The following RFTN1 variants were observed in gnomAD, a reference collection of about 807,000 sequenced individuals.
RFTN1 encodes the protein raftlin, lipid raft linker 1.
RFTN1 carries 26 observed loss-of-function variants against 46.5 expected under a neutral mutation model. The ratio of observed to expected loss-of-function variants is 0.56; its 90% CI spans 0.41 to 0.78. RFTN1 has a LOEUF of 0.78. Among genes scored for constraint, RFTN1 ranks in the 30% least tolerant of loss-of-function variants. The probability of loss-of-function intolerance (pLI) is 0.00; values close to 1 mark genes in which losing one functional copy is unlikely to be tolerated. For missense variants in RFTN1, 693 were observed against 718.7 expected, an observed-to-expected ratio of 0.96 and a Z score of 0.41; for synonymous variants, 261 against 284.2, an observed-to-expected ratio of 0.92 and a Z score of 0.82.
Position 16,440,129 on chromosome 3 carries a change from T to G in RFTN1, c.146-6092A>C, listed in dbSNP as rs1279965269. 2.0e-5 allele frequency among the ~76,000 whole-genome samples: 3 copies of G among 152,220 alleles called. No homozygotes were observed. Among genetic ancestry groups the G allele is most frequent in the Admixed American group, 6.5e-5 (1 of 15,290 alleles). On this transcript the variant is annotated intron_variant, in intron 2 of 9. Coordinates refer to ENST00000334133, the MANE Select transcript of RFTN1 (RefSeq NM_015150.2). This position sits in a 1 kb window ranked among gnomAD's most constrained non-coding sequence, Gnocchi z 4.6. ...CTTCCAAAAAGAGAAAATGCCAGCC[T>G]ACTCAGAGTGGGCCGCTGCCGCGAG...
chr3:16,437,651 C>CTAAA lies in RFTN1; in HGVS notation c.146-3618_146-3615dup, dbSNP rs561853711. Reference sequence around the variant, plus strand: ...ACTCCAGCCTGGGGTGACAGAGTTACTAAATAAATAAATAAATAAATAAAT... The same window carrying CTAAA: ...ACTCCAGCCTGGGGTGACAGAGTTACTAAATAAATAAATAAATAAATAAATAAAT... On this transcript the variant is annotated intron_variant, in intron 2 of 9. Transcript: ENST00000334133. Among the ~76,000 whole-genome samples, 1,222 of 151,808 alleles carry CTAAA rather than the reference C, an allele frequency of 8.0e-3. 4 individuals are homozygous for CTAAA. The highest frequency in any genetic ancestry group is 9.1e-3 in the Non-Finnish European group (618 of 67,912).
rs567775122 is a variant in RFTN1, at chr3:16,374,868, C to G, written c.826+2850G>C. On this transcript the variant is annotated intron_variant, in intron 5 of 9. Coordinates refer to ENST00000334133, the MANE Select transcript of RFTN1 (RefSeq NM_015150.2). This position sits in a 1 kb window ranked among gnomAD's most constrained non-coding sequence, Gnocchi z 5.4. ...ACCCACGGCGGGCCTCCCCAAGAAC[C>G]TGCAGGGGCAAGGAGGCGTGACGGC... Among the ~76,000 whole-genome samples, 2 of 152,288 alleles carry G rather than the reference C, an allele frequency of 1.3e-5. No individual in the cohort carries two copies. Among genetic ancestry groups the G allele is most frequent in the African/African-American group, 2.4e-5 (1 of 41,574 alleles).
At position 16,429,312 on chromosome 3, in the gene RFTN1, TTTAG is replaced by T. The variant is rs1449415003; in HGVS notation, c.332+4535_332+4538del. ...TACTTTTGGAATGACTCATTAATAA[TTTAG>T]TTAGACTGTCAACGATGCTCTCCAA... On this transcript the variant is annotated intron_variant, in intron 3 of 9. Transcript: ENST00000334133. The surrounding 1 kb of genome is among the most constrained non-coding windows in gnomAD (Gnocchi z 6.4). Among the ~76,000 whole-genome samples, 4 of 152,220 alleles carry T rather than the reference TTTAG, an allele frequency of 2.6e-5. No homozygotes were observed. Among genetic ancestry groups the T allele is most frequent in the East Asian group, 1.9e-4 (1 of 5,202 alleles).
chr3:16,449,306 G>C lies in RFTN1; in HGVS notation c.146-15269C>G, dbSNP rs1443723592. ...CAAATCTGGCTCAGGCAGATGGGTGGTGTATTGGCTCCAGTTCCTAATCTG... is the reference window on the plus strand; with the variant it reads ...CAAATCTGGCTCAGGCAGATGGGTGCTGTATTGGCTCCAGTTCCTAATCTG... On this transcript the variant is annotated intron_variant, in intron 2 of 9. Transcript: ENST00000334133. This position sits in a 1 kb window ranked among gnomAD's most constrained non-coding sequence, Gnocchi z 5.1. 3.3e-5 allele frequency among the ~76,000 whole-genome samples: 5 copies of C among 152,164 alleles called. No homozygotes were observed.
Position 16,329,909 on chromosome 3 carries a change from C to T in RFTN1, c.1147-3033G>A, listed in dbSNP as rs2125240078. Among the ~76,000 whole-genome samples the T allele has an allele frequency of 6.6e-6, 1 of 152,262 alleles. No homozygotes were observed. Among genetic ancestry groups the T allele is most frequent in the South Asian group, 2.1e-4 (1 of 4,818 alleles). ...TCTCGGGCCAGGTTTTCTCTGCGGG[C>T]ACCCAGAGCTGCGAGACAATGAACG... On this transcript the variant is annotated intron_variant, in intron 7 of 9. Coordinates refer to ENST00000334133, the MANE Select transcript of RFTN1 (RefSeq NM_015150.2). The surrounding 1 kb of genome is among the most constrained non-coding windows in gnomAD (Gnocchi z 4.5).
chr3:16,408,627 G>A (rs1425138312), intron 4 of RFTN1, among the ~76,000 whole-genome samples: 2 of 134,840 alleles, frequency 1.5e-5, no homozygotes, highest in Non-Finnish European at 3.2e-5. Context: ...TCACTAGTTC[G>A]GCTGTTTTAT....
Position 16,388,287 on chromosome 3 carries a change from CTT to C in RFTN1, c.442-10187_442-10186del, listed in dbSNP as rs1466576523. Among the ~76,000 whole-genome samples, 14 of 152,316 alleles carry C rather than the reference CTT, an allele frequency of 9.2e-5. 1 individual carries two copies. In the East Asian group the frequency reaches 1.5e-3, roughly 17 times the overall value. ...CTCTATGAGGACAGGCAGTTTGTCT[CTT>C]TTGCCTCCTGCTTTGTCCTCAGCAT... On this transcript the variant is annotated intron_variant, in intron 4 of 9. Transcript: ENST00000334133.
In RFTN1 at chr3:16,348,916, G is replaced by A. The variant is rs1426035358; in HGVS notation, c.1146+9016C>T. On this transcript the variant is annotated intron_variant, in intron 7 of 9. Transcript: ENST00000334133. The surrounding 1 kb of genome is among the most constrained non-coding windows in gnomAD (Gnocchi z 6.3). ...CACATTTCAGAACACCCGAGCAAGT[G>A]GCTGCTGCCAAGGAGGAGGCAGAGG... Among the ~76,000 whole-genome samples the A allele has an allele frequency of 6.6e-6, 1 of 152,194 alleles. No homozygotes were observed. The highest frequency in any genetic ancestry group is 1.5e-5 in the Non-Finnish European group (1 of 68,032).
chr3:16,417,631 C>T (rs995268249), intron 3 of RFTN1, among the ~76,000 whole-genome samples: 1 of 152,186 alleles, frequency 6.6e-6, no homozygotes, highest in Non-Finnish European at 1.5e-5. Context: ...ACCACCCTAG[C>T]GTCTGCCAAG....
chr3:16,366,358 T>C (rs2073171382), intron 6 of RFTN1, among the ~76,000 whole-genome samples: 1 of 152,214 alleles, frequency 6.6e-6, no homozygotes, highest in Non-Finnish European at 1.5e-5. Flanking sequence ...CCTCCTGGTC[T>C]TTCCCATCCT....
At position 16,415,430 on chromosome 3, in the gene RFTN1, T is replaced by TAC. The variant is rs1553589390; in HGVS notation, c.333-5949_333-5948dup. On this transcript the variant is annotated intron_variant, in intron 3 of 9. Coordinates refer to ENST00000334133, the MANE Select transcript of RFTN1 (RefSeq NM_015150.2). ...TTGAGTATATATATATATATATATA[T>TAC]ACACACACACACACACATATATACT... Among the ~76,000 whole-genome samples, 145 of 114,344 alleles carry TAC rather than the reference T, an allele frequency of 1.3e-3. 9 individuals carry two copies. In the South Asian group the frequency reaches 0.02, roughly 16 times the overall value. The allele number at this position is 114,344 out of a possible 152,430, so 75.0% of individuals were successfully genotyped here.
intron 7 of RFTN1, among the ~76,000 whole-genome samples, chr3:16,357,101 C>A (rs1270669856): frequency 1.5e-5 from 2 of 133,644 alleles, no homozygotes; most frequent in African/African-American, 5.6e-5. Flanking sequence ...GGCGACAGAG[C>A]AAGATGCCAT....
At chr3:16,502,383 CAAA>C (rs140019736) in intron 1 of RFTN1, among the ~76,000 whole-genome samples, 10 of 70,980 alleles carry the variant, frequency 1.4e-4, no homozygotes, top group Non-Finnish European at 2.5e-4. Flanking sequence ...GACCTTGTCT[CAAA>C]AAAAAAAAAA....
intron 2 of RFTN1, chr3:16,471,940 C>T (rs747028906): frequency 6.6e-6 from 1 of 152,042 alleles, no homozygotes; most frequent in Non-Finnish European, 1.5e-5. Flanking sequence ...GCGCCCACAC[C>T]AAGCCTCAGA....
At position 16,429,783 on chromosome 3, in the gene RFTN1, T is replaced by C; in HGVS notation, c.332+4068A>G. Among the ~76,000 whole-genome samples the C allele has an allele frequency of 6.6e-6, 1 of 152,202 alleles. No individual in the cohort carries two copies. The highest frequency in any genetic ancestry group is 1.9e-4 in the East Asian group (1 of 5,196). On this transcript the variant is annotated intron_variant, in intron 3 of 9. Coordinates refer to ENST00000334133, the MANE Select transcript of RFTN1 (RefSeq NM_015150.2). The surrounding 1 kb of genome is among the most constrained non-coding windows in gnomAD (Gnocchi z 6.4). ...TTTGTTAAAAATTTTATGTGAACCC[T>C]CCAAACACATTAGGTTGATATCGAA...
At chr3:16,494,941 T>C (rs948395030) in intron 1 of RFTN1, among the ~76,000 whole-genome samples, 7 of 152,198 alleles carry the variant, frequency 4.6e-5, no homozygotes, top group African/African-American at 1.4e-4. Context: ...CTTAATTCAT[T>C]TACAAGGTAC....
In RFTN1 at chr3:16,443,226, C is replaced by G. The variant is rs2075665472; in HGVS notation, c.146-9189G>C. Reference sequence around the variant, plus strand: ...GGTTCTCTTATACTTCACATCCTCACCAACACTTCTTATCTCTTGTATTTT... The same window carrying G: ...GGTTCTCTTATACTTCACATCCTCAGCAACACTTCTTATCTCTTGTATTTT... On this transcript the variant is annotated intron_variant, in intron 2 of 9. Transcript: ENST00000334133. This position sits in a 1 kb window ranked among gnomAD's most constrained non-coding sequence, Gnocchi z 5.5. 6.6e-6 allele frequency among the ~76,000 whole-genome samples: 1 copy of G among 152,224 alleles called. No individual in the cohort carries two copies. The highest frequency in any genetic ancestry group is 1.5e-5 in the Non-Finnish European group (1 of 68,040).
At chr3:16,417,866 C>G (rs942622060) in intron 3 of RFTN1, among the ~76,000 whole-genome samples, 1 of 152,168 alleles carries the variant, frequency 6.6e-6, no homozygotes, top group African/African-American at 2.4e-5. Context: ...TACCACCACA[C>G]CCAGCTAATA....
chr3:16,375,521 C>T (rs1028508158), intron 5 of RFTN1, among the ~76,000 whole-genome samples: 3 of 151,874 alleles, frequency 2.0e-5, no homozygotes, highest in African/African-American at 4.8e-5. Flanking sequence ...GCCATCGTGA[C>T]CACTGAAAGG....
Sources: gnomAD v4.1 joint callset for allele counts (sites outside exome capture counted in the v4.1 genomes callset) on GRCh38, gnomAD v4.1.1 for gene constraint, Gnocchi (gnomAD v3.1) non-coding constraint, MANE v1.5 for transcripts, NCBI Gene and HGNC (gene_info 2026-07-23, HGNC 2026-07-21) for gene names.